Variants in GATAD2B observed in about 807,000 individuals in gnomAD.
The protein encoded by GATAD2B is transcriptional repressor p66-beta.
A neutral mutation model predicts 64.3 loss-of-function variants in GATAD2B; 8 were observed. That is an observed-to-expected ratio of 0.12 (90% CI 0.07 to 0.22). The LOEUF (loss-of-function observed/expected upper bound fraction) is 0.22. Ranked by LOEUF, GATAD2B falls within the 10% of genes least tolerant of loss-of-function variation. The probability of loss-of-function intolerance (pLI) is 1.00; values close to 1 mark genes in which losing one functional copy is unlikely to be tolerated. For missense variants in GATAD2B, 453 were observed against 752.0 expected, an observed-to-expected ratio of 0.60 and a Z score of 4.65; for synonymous variants, 281 against 271.3, an observed-to-expected ratio of 1.04 and a Z score of -0.35.
chr1:153,818,691 A>G, intron 4 of GATAD2B, 100 bp downstream of exon 4: 1 of 856,454 alleles, frequency 1.2e-6, no homozygotes. Context: ...ACGGACCCAG[A>G]GAAGAAATGA....
intron 1 of GATAD2B, among the ~76,000 whole-genome samples, chr1:153,894,550 A>G (rs1451324811): frequency 1.3e-5 from 2 of 151,954 alleles, no homozygotes; most frequent in Admixed American, 6.6e-5. Flanking sequence ...CTGTATGTAC[A>G]TTATACCTCA....
intron 2 of GATAD2B, among the ~76,000 whole-genome samples, chr1:153,827,298 A>G (rs1674919148): frequency 1.3e-5 from 2 of 151,842 alleles, no homozygotes; most frequent in East Asian, 1.9e-4. Flanking sequence ...AAAGAAAAAA[A>G]AAACCCCAAC....
At chr1:153,851,181 T>C (rs1160077525) in intron 1 of GATAD2B, among the ~76,000 whole-genome samples, 4 of 152,186 alleles carry the variant, frequency 2.6e-5, no homozygotes, top group African/African-American at 9.6e-5. Flanking sequence ...ATACCTCACA[T>C]AAGTAGACTC....
rs746890210 is a variant in GATAD2B at position 153,816,581 on chromosome 1, C to G, written c.908G>C (p.Ser303Thr). The G allele has an allele frequency of 2.5e-6, 4 of 1,607,022 alleles. No individual in the cohort carries two copies. The East Asian group carries it at 8.9e-5, about 36-fold the overall frequency. Reference sequence around the variant, plus strand: ...TGTACGCTGACATGGAACAGAAGAACTTGACTGCTGAAATAGATTGAGAAT... The same window carrying G: ...TGTACGCTGACATGGAACAGAAGAAGTTGACTGCTGAAATAGATTGAGAAT... ...NPAINYQPQS[S>T]SSVPCQRTTS... Residue 303 changes from serine (S) to threonine (T), a missense_variant, in exon 7 of 11, where the codon AGT (serine) becomes ACT (threonine). Physicochemically the swap from Ser to Thr is moderately conservative, Grantham distance 58. Coordinates refer to ENST00000368655, the MANE Select transcript of GATAD2B (RefSeq NM_020699.4). The surrounding 1 kb of genome is among the most constrained non-coding windows in gnomAD (Gnocchi z 4.9).
At chr1:153,873,232 T>C (rs1422150269) in intron 1 of GATAD2B, among the ~76,000 whole-genome samples, 1 of 152,202 alleles carries the variant, frequency 6.6e-6, no homozygotes, top group African/African-American at 2.4e-5. Flanking sequence ...TAGGCTACTC[T>C]AACACACTTG....
intron 1 of GATAD2B, among the ~76,000 whole-genome samples, chr1:153,911,561 CCT>C (rs1223872697): frequency 3.3e-5 from 5 of 152,026 alleles, no homozygotes; most frequent in Admixed American, 1.3e-4. Context: ...ATGGTGAAAC[CCT>C]GTCTCTACCA....
chr1:153,874,092 T>C (rs567535765), intron 1 of GATAD2B, among the ~76,000 whole-genome samples: 2 of 151,184 alleles, frequency 1.3e-5, no homozygotes, highest in African/African-American at 2.4e-5. Context: ...TGAAATCCCA[T>C]CTCTACTAAA....
At chr1:153,918,031 C>A (rs924845251) in intron 1 of GATAD2B, among the ~76,000 whole-genome samples, 2 of 152,158 alleles carry the variant, frequency 1.3e-5, no homozygotes, top group African/African-American at 4.8e-5. Context: ...TAGAAGGAAT[C>A]ACTTGGTCTT....
Position 153,833,966 on chromosome 1 carries a change from C to CTG in GATAD2B, c.-1-5620_-1-5619dup, listed in dbSNP as rs1233451775. ...CTGGCCTGGGCAACACAGTAAGACC[C>CTG]TGTCTCTCTCTCTTTTTTTTTATGT... On this transcript the variant is annotated intron_variant, in intron 1 of 10. Coordinates refer to ENST00000368655, the MANE Select transcript of GATAD2B (RefSeq NM_020699.4). Among the ~76,000 whole-genome samples the CTG allele has an allele frequency of 2.2e-4, 34 of 151,672 alleles. 1 individual carries two copies. Among genetic ancestry groups the CTG allele is most frequent in the African/African-American group, 8.2e-4 (34 of 41,434 alleles).
At chr1:153,919,627 C>G (rs1290210026) in intron 1 of GATAD2B, among the ~76,000 whole-genome samples, 2 of 152,174 alleles carry the variant, frequency 1.3e-5, no homozygotes, top group African/African-American at 4.8e-5. Flanking sequence ...ACCACAAAAT[C>G]CAGTCATTGT....
chr1:153,888,860 A>G (rs572164926), intron 1 of GATAD2B, among the ~76,000 whole-genome samples: 1 of 152,252 alleles, frequency 6.6e-6, no homozygotes, highest in South Asian at 2.1e-4. Flanking sequence ...TAAGCTTCTC[A>G]TCTTTCACTT....
chr1:153,852,534 A>G (rs997062121), intron 1 of GATAD2B: 9 of 767,494 alleles, frequency 1.2e-5, no homozygotes, highest in Admixed American at 1.7e-5. Flanking sequence ...ATCGTATCCA[A>G]TATTCCTTTT....
chr1:153,908,776 T>C (rs1360161857), intron 1 of GATAD2B, among the ~76,000 whole-genome samples: 2 of 49,288 alleles, frequency 4.1e-5, no homozygotes, highest in African/African-American at 1.5e-4. Flanking sequence ...CCTAGAAACA[T>C]ACTTGGAAAA....
In GATAD2B at chr1:153,816,221, C is replaced by A; in HGVS notation, c.1216+52G>T. 8.2e-7 allele frequency: 1 copy of A among 1,219,016 alleles called. No individual in the cohort carries two copies. Among genetic ancestry groups the A allele is most frequent in the Non-Finnish European group, 1.2e-6 (1 of 830,742 alleles). The allele number at this position is 1,219,016 out of a possible 1,614,324, so 75.5% of individuals were successfully genotyped here. A position where few individuals can be genotyped will look rare whatever the true frequency, so the allele number is the denominator to read the frequency against. ...CCTCTGATACTCTGCCTATGTCAAT[C>A]AGGCTTGGCAACCACTTGCTTAAAT... On this transcript the variant is annotated intron_variant, in intron 7 of 10. Transcript: ENST00000368655. The surrounding 1 kb of genome is among the most constrained non-coding windows in gnomAD (Gnocchi z 4.9).
At chr1:153,911,744 A>C (rs924721374) in intron 1 of GATAD2B, among the ~76,000 whole-genome samples, 1 of 147,964 alleles carries the variant, frequency 6.8e-6, no homozygotes, top group Admixed American at 6.7e-5. Context: ...CTCAAAAAAA[A>C]ACAAAAAACA....
intron 1 of GATAD2B, among the ~76,000 whole-genome samples, chr1:153,844,833 A>C (rs1467077199): frequency 1.3e-5 from 2 of 151,058 alleles, no homozygotes; most frequent in Non-Finnish European, 2.9e-5. Context: ...TAGTGGGTGC[A>C]GCCCACCAGC....
intron 1 of GATAD2B, among the ~76,000 whole-genome samples, chr1:153,840,398 C>G (rs189465738): frequency 6.6e-6 from 1 of 151,160 alleles, no homozygotes; most frequent in African/African-American, 2.4e-5. Context: ...AGTGCAATGG[C>G]GCGATCTCGG....
intron 1 of GATAD2B, among the ~76,000 whole-genome samples, chr1:153,876,455 T>C (rs1311261629): frequency 6.6e-6 from 1 of 152,170 alleles, no homozygotes; most frequent in African/African-American, 2.4e-5. Flanking sequence ...TCTGTATCAC[T>C]GAGTTTACTA....
intron 1 of GATAD2B, among the ~76,000 whole-genome samples, chr1:153,850,161 G>T (rs1675837428): frequency 6.6e-6 from 1 of 152,120 alleles, no homozygotes; most frequent in Admixed American, 6.5e-5. Context: ...CTCCAGAGTA[G>T]CTTTACATAT....
Sources: gnomAD v4.1 joint callset for allele counts (sites outside exome capture counted in the v4.1 genomes callset) on GRCh38, gnomAD v4.1.1 for gene constraint, Gnocchi (gnomAD v3.1) non-coding constraint, MANE v1.5 for transcripts, NCBI Gene and HGNC (gene_info 2026-07-23, HGNC 2026-07-21) for gene names.